PDE3A: variants seen among roughly 807,000 people sequenced by gnomAD.
PDE3A encodes the protein cGMP-inhibited 3',5'-cyclic phosphodiesterase 3A.
A neutral mutation model predicts 98.3 loss-of-function variants in PDE3A; 43 were observed. That is an observed-to-expected ratio of 0.44 (90% CI 0.34 to 0.56). PDE3A has a LOEUF of 0.56. Among genes scored for constraint, PDE3A ranks in the 20% least tolerant of loss-of-function variants. PDE3A has a pLI of 0.01. For missense variants in PDE3A, 1,427 were observed against 1,440.7 expected (o/e 0.99, Z 0.15); for synonymous variants, 663 against 567.9 (o/e 1.17, Z -2.38).
intron 1 of PDE3A, among the ~76,000 whole-genome samples, chr12:20,508,010 C>A (rs917015170): frequency 1.3e-5 from 2 of 152,110 alleles, no homozygotes; most frequent in African/African-American, 4.8e-5. Flanking sequence ...CTTACAGTTG[C>A]CTACATGGCC....
At position 20,369,646 on chromosome 12, in the gene PDE3A, G is replaced by A. The variant is rs1943423037; in HGVS notation, c.362G>A (p.Gly121Glu). The A allele has an allele frequency of 1.3e-6, 2 of 1,598,900 alleles. No homozygotes were observed. Among genetic ancestry groups the A allele is most frequent in the South Asian group, 1.1e-5 (1 of 89,538 alleles). Residue 121 changes from glycine to glutamate, a missense_variant, in exon 1 of 16, where the codon GGG becomes GAG. By Grantham distance (98) the Gly-to-Glu change is moderately conservative. This residue lies in a region of PDE3A where 1,012 missense variants were observed against 886.5 expected (regional missense o/e 1.14). Coordinates refer to ENST00000359062, the MANE Select transcript of PDE3A (RefSeq NM_000921.5). ...VFPGPRGGAP[G>E]GGARLSPWLQ... ...CCGGGGCCTCGGGGAGGTGCTCCCG[G>A]GGGCGGTGCGCGGCTCAGCCCCTGG...
intron 2 of PDE3A, 99 bp from the exon 3 acceptor site, chr12:20,613,344 C>A: frequency 9.3e-7 from 1 of 1,074,778 alleles, no homozygotes; most frequent in Non-Finnish European, 1.4e-6. Flanking sequence ...CCTAAAGAAT[C>A]AGCCCAATTC....
intron 1 of PDE3A, among the ~76,000 whole-genome samples, chr12:20,542,730 A>G (rs1486673040): frequency 6.6e-6 from 1 of 151,994 alleles, no homozygotes; most frequent in Non-Finnish European, 1.5e-5. Flanking sequence ...GGATTTTATT[A>G]TTTTCCCTAG....
At chr12:20,531,366 A>AAATTAT (rs1270160868) in intron 1 of PDE3A, among the ~76,000 whole-genome samples, 5 of 152,180 alleles carry the variant, frequency 3.3e-5, no homozygotes, top group Non-Finnish European at 7.3e-5. Flanking sequence ...ATTAAAATTA[A>AAATTAT]AGATAATTCT....
Position 20,646,611 on chromosome 12 carries a change from C to G in PDE3A, c.2365+8C>G. 1 of 1,487,846 alleles carries G rather than the reference C, an allele frequency of 6.7e-7. No individual in the cohort carries two copies. The highest frequency in any genetic ancestry group is 9.4e-7 in the Non-Finnish European group (1 of 1,065,144). The allele number at this position is 1,487,846 out of a possible 1,614,324, so 92.2% of individuals were successfully genotyped here. ...GTTCAACCAGTGATTCAGGTATGTA[C>G]GAAGTGAATCTGCACTGCCTTATGA... On this transcript the variant is annotated splice_region_variant and intron_variant, in intron 11 of 15. Coordinates refer to ENST00000359062, the MANE Select transcript of PDE3A (RefSeq NM_000921.5).
chr12:20,547,975 C>G (rs1942098793), intron 1 of PDE3A, among the ~76,000 whole-genome samples: 1 of 151,968 alleles, frequency 6.6e-6, no homozygotes, highest in Non-Finnish European at 1.5e-5. Flanking sequence ...TGTTTGGCAG[C>G]AGTTTTGTTT....
intron 15 of PDE3A, among the ~76,000 whole-genome samples, chr12:20,676,498 C>CTTTTT (rs60887487): frequency 2.7e-5 from 3 of 109,198 alleles, no homozygotes; most frequent in Non-Finnish European, 5.3e-5. Context: ...ATGTCTTTGA[C>CTTTTT]TTTTTTTTTT....
chr12:20,475,187 G>A (rs1945509394), intron 1 of PDE3A, among the ~76,000 whole-genome samples: 1 of 147,242 alleles, frequency 6.8e-6, no homozygotes, highest in Admixed American at 6.8e-5. Flanking sequence ...GAGTGTGTGT[G>A]TGTGTGTGTG....
In PDE3A at chr12:20,368,788, C is replaced by T. The variant is rs1243323694; in HGVS notation, c.-497C>T. On this transcript the variant is annotated 5_prime_UTR_variant, in exon 1 of 16. Transcript: ENST00000359062. ...GGAGAAGGGAGACCTCCATCTGCCG[C>T]GGGCCCGGCGCGCTGCAGCGCAGCG... 6.6e-6 allele frequency among the ~76,000 whole-genome samples: 1 copy of T among 151,958 alleles called. No homozygotes were observed. The highest frequency in any genetic ancestry group is 1.5e-5 in the Non-Finnish European group (1 of 67,964).
In PDE3A at chr12:20,550,617, A is replaced by G. The variant is rs74064987; in HGVS notation, c.961-6043A>G. ...GAAATATCTACTATGTAAGCATTCA[A>G]TTTTATATAATGATTATCTGGGTCA... is the stretch of plus-strand genomic sequence containing the variant. On this transcript the variant is annotated intron_variant, in intron 1 of 15. Transcript: ENST00000359062. Among the ~76,000 whole-genome samples the G allele has an allele frequency of 1.8e-3, 268 of 152,224 alleles. 1 individual carries two copies. The highest frequency in any genetic ancestry group is 6.1e-3 in the African/African-American group (254 of 41,578).
intron 1 of PDE3A, among the ~76,000 whole-genome samples, chr12:20,410,540 A>T (rs1944314217): frequency 6.6e-6 from 1 of 152,134 alleles, no homozygotes; most frequent in Non-Finnish European, 1.5e-5. Context: ...TTCTAGAAAT[A>T]ACCACCTCCG....
chr12:20,552,728 C>T lies in PDE3A; in HGVS notation c.961-3932C>T. 3 of 1,614,056 alleles carry T rather than the reference C, an allele frequency of 1.9e-6. No homozygotes were observed. Among genetic ancestry groups the T allele is most frequent in the South Asian group, 1.1e-5 (1 of 91,078 alleles). On this transcript the variant is annotated intron_variant, in intron 1 of 15. Transcript: ENST00000359062. This position sits in a 1 kb window ranked among gnomAD's most constrained non-coding sequence, Gnocchi z 5.1. ...AAGCTGTGGAATGAGGTCCTGGCGT[C>T]ACTCAAGGACCGGCCGGCGAGCGGC...
At chr12:20,530,641 A>G (rs1002320160) in intron 1 of PDE3A, among the ~76,000 whole-genome samples, 6 of 152,068 alleles carry the variant, frequency 3.9e-5, no homozygotes, top group African/African-American at 1.4e-4. Flanking sequence ...CTTAAAATAT[A>G]TTTTATTAAG....
intron 1 of PDE3A, among the ~76,000 whole-genome samples, chr12:20,447,886 G>A (rs1565552428): frequency 6.6e-6 from 1 of 152,154 alleles, no homozygotes; most frequent in Non-Finnish European, 1.5e-5. Flanking sequence ...ACTGAGGGGT[G>A]ATGCTATGTC....
chr12:20,512,229 T>C (rs1283637503), intron 1 of PDE3A, among the ~76,000 whole-genome samples: 5 of 151,896 alleles, frequency 3.3e-5, no homozygotes, highest in African/African-American at 1.2e-4. Flanking sequence ...TAATATAAAA[T>C]GTTAATAACA....
intron 1 of PDE3A, among the ~76,000 whole-genome samples, chr12:20,462,710 A>T (rs975036656): frequency 2.6e-5 from 4 of 152,162 alleles, no homozygotes; most frequent in Non-Finnish European, 5.9e-5. Flanking sequence ...CTAAACATTT[A>T]CTTCAAGCTT....
At chr12:20,529,244 C>T (rs1946579545) in intron 1 of PDE3A, among the ~76,000 whole-genome samples, 2 of 152,092 alleles carry the variant, frequency 1.3e-5, no homozygotes, top group South Asian at 2.1e-4. Context: ...TCAGCAAGTG[C>T]TATCAATACC....
intron 2 of PDE3A, among the ~76,000 whole-genome samples, chr12:20,599,519 TCA>T (rs1316539556): frequency 2.0e-5 from 3 of 152,196 alleles, no homozygotes; most frequent in Non-Finnish European, 2.9e-5. Flanking sequence ...ACGGTGTAAT[TCA>T]CAGTGTAAAT....
intron 1 of PDE3A, chr12:20,551,593 G>A (rs1450378982): frequency 7.1e-6 from 11 of 1,553,526 alleles, no homozygotes; most frequent in Admixed American, 1.9e-5. Flanking sequence ...CCACCTGTGC[G>A]GGGGCCGGCA....
Sources: gnomAD v4.1 joint callset for allele counts (sites outside exome capture counted in the v4.1 genomes callset) on GRCh38, gnomAD v4.1.1 for gene constraint, gnomAD v4.1.1 regional missense constraint, Gnocchi (gnomAD v3.1) non-coding constraint, MANE v1.5 for transcripts, NCBI Gene and HGNC (gene_info 2026-07-23, HGNC 2026-07-21) for gene names.